FUT8: variants seen among roughly 807,000 people sequenced by gnomAD.
FUT8 encodes alpha-(1,6)-fucosyltransferase.
In FUT8, 29 loss-of-function variants were observed where a neutral mutation model predicts 71.3. That is an observed-to-expected ratio of 0.41 (90% CI 0.30 to 0.55). The LOEUF (loss-of-function observed/expected upper bound fraction) is 0.55, where lower values mean the gene tolerates loss of function less well. Ranked by LOEUF, FUT8 falls within the 20% of genes least tolerant of loss-of-function variation. FUT8 has a pLI of 0.34. For missense variants in FUT8, 544 were observed against 702.1 expected, an observed-to-expected ratio of 0.77 and a Z score of 2.55; for synonymous variants, 254 against 239.3, an observed-to-expected ratio of 1.06 and a Z score of -0.57.
At chr14:65,731,057 A>G (rs145474513) in intron 9 of FUT8, among the ~76,000 whole-genome samples, 1 of 152,382 alleles carries the variant, frequency 6.6e-6, no homozygotes, top group African/African-American at 2.4e-5. Flanking sequence ...CTGTGAAACA[A>G]AGAATCAGCA....
At chr14:65,689,604 T>A (rs1296257828) in intron 7 of FUT8, among the ~76,000 whole-genome samples, 2 of 152,172 alleles carry the variant, frequency 1.3e-5, no homozygotes, top group East Asian at 1.9e-4. Flanking sequence ...AGTGGTGCAA[T>A]CTCAGCTCAC....
chr14:65,478,305 G>A (rs2066278533), intron 2 of FUT8, among the ~76,000 whole-genome samples: 1 of 152,050 alleles, frequency 6.6e-6, no homozygotes, highest in African/African-American at 2.4e-5. Flanking sequence ...ATACAGGTCA[G>A]GCATCCCAAA....
chr14:65,390,806 C>T, the FUT8 span, among the ~76,000 whole-genome samples: 1 of 151,340 alleles, frequency 6.6e-6, no homozygotes, highest in East Asian at 2.0e-4. Flanking sequence ...TCACAGCAAC[C>T]TCCGCCTTCT....
At chr14:65,648,235 C>G (rs1891205424) in intron 6 of FUT8, among the ~76,000 whole-genome samples, 1 of 152,226 alleles carries the variant, frequency 6.6e-6, no homozygotes, top group Admixed American at 6.5e-5. Flanking sequence ...CTTTACAGAA[C>G]AACTTTACTG....
chr14:65,606,218 G>C (rs1044570155), intron 3 of FUT8, among the ~76,000 whole-genome samples: 1 of 150,580 alleles, frequency 6.6e-6, no homozygotes, highest in Admixed American at 6.6e-5. Flanking sequence ...GACTACAGGC[G>C]CCTGCCACCA....
chr14:65,391,999 C>G, the FUT8 span, among the ~76,000 whole-genome samples: 1 of 152,178 alleles, frequency 6.6e-6, no homozygotes, highest in South Asian at 2.1e-4. Context: ...ATGGTACGAT[C>G]TCAGCTCACT....
At chr14:65,509,612 T>C (rs1262368681) in intron 2 of FUT8, among the ~76,000 whole-genome samples, 1 of 152,130 alleles carries the variant, frequency 6.6e-6, no homozygotes, top group African/African-American at 2.4e-5. Context: ...TATAGTATAG[T>C]TTCTGTTACA....
At chr14:65,470,123 G>A (rs537928818) in intron 2 of FUT8, among the ~76,000 whole-genome samples, 1 of 152,356 alleles carries the variant, frequency 6.6e-6, no homozygotes, top group Non-Finnish European at 1.5e-5. Context: ...GGGCCTAGGC[G>A]GCAGGGCCTG....
At chr14:65,728,650 AAACTATACTTTTAC>A (rs1566920367) in intron 9 of FUT8, among the ~76,000 whole-genome samples, 1 of 151,382 alleles carries the variant, frequency 6.6e-6, no homozygotes, top group Non-Finnish European at 1.5e-5. Flanking sequence ...ATAGATTATA[AAACTATACTTTTAC>A]TGTACCTTTT....
At chr14:65,383,471 C>T in the FUT8 span, among the ~76,000 whole-genome samples, 4 of 152,058 alleles carry the variant, frequency 2.6e-5, no homozygotes, top group African/African-American at 4.8e-5. Context: ...GACGGGGTTT[C>T]ACCATGTTGG....
intron 5 of FUT8, among the ~76,000 whole-genome samples, chr14:65,618,031 A>G (rs1279569173): frequency 3.3e-5 from 3 of 90,396 alleles, no homozygotes; most frequent in South Asian, 3.6e-4. Flanking sequence ...ATATATATAT[A>G]TATATATATA....
intron 10 of FUT8, among the ~76,000 whole-genome samples, chr14:65,733,984 C>A (rs1026002508): frequency 2.6e-5 from 4 of 152,116 alleles, no homozygotes; most frequent in African/African-American, 4.8e-5. Flanking sequence ...AGGGTCCAGC[C>A]AGCTTTGTAT....
chr14:65,714,025 C>G (rs1894932916), intron 7 of FUT8, among the ~76,000 whole-genome samples: 2 of 152,264 alleles, frequency 1.3e-5, no homozygotes, highest in Non-Finnish European at 2.9e-5. Flanking sequence ...AGTCTTTAAT[C>G]CATTTTGATT....
rs144222578 is a variant in FUT8 at position 65,524,603 on chromosome 14, A to G, written c.-227-36734A>G. On this transcript the variant is annotated intron_variant, in intron 2 of 10. Coordinates refer to ENST00000673929, the MANE Select transcript of FUT8 (RefSeq NM_001371533.1). ...CCGATTGCCCTGGCCAGAACTTCCA[A>G]CACTATGTTAAATAGGAGTGGTGAG... 9.8e-3 allele frequency among the ~76,000 whole-genome samples: 1,497 copies of G among 152,272 alleles called. 19 individuals are homozygous for G. Among genetic ancestry groups the G allele is most frequent in the African/African-American group, 0.031 (1,277 of 41,540 alleles).
At chr14:65,629,711 A>C in intron 6 of FUT8, 105 bp downstream of exon 6, 1 of 731,758 alleles carries the variant, frequency 1.4e-6, no homozygotes, top group Non-Finnish European at 2.3e-6. Context: ...GCCCTTGAAA[A>C]TCAGTACTCA....
intron 3 of FUT8, among the ~76,000 whole-genome samples, chr14:65,582,824 A>G (rs1162840404): frequency 6.6e-6 from 1 of 152,226 alleles, no homozygotes; most frequent in Non-Finnish European, 1.5e-5. Context: ...GAATGAATGA[A>G]TGAATGAGCC....
At chr14:65,683,015 T>A (rs1028754885) in intron 7 of FUT8, among the ~76,000 whole-genome samples, 7 of 144,664 alleles carry the variant, frequency 4.8e-5, no homozygotes, top group African/African-American at 1.8e-4. Context: ...TAATTGCAAT[T>A]TTTTTTTTTT....
intron 3 of FUT8, among the ~76,000 whole-genome samples, chr14:65,577,741 A>G (rs1423474344): frequency 3.9e-5 from 6 of 152,152 alleles, no homozygotes; most frequent in African/African-American, 1.2e-4. Flanking sequence ...AGGATCTACA[A>G]TTGTAGGAAA....
At chr14:65,383,343 T>A in the FUT8 span, among the ~76,000 whole-genome samples, 1 of 147,516 alleles carries the variant, frequency 6.8e-6, no homozygotes. Flanking sequence ...GGCATGATCT[T>A]GGCTCACCGC....
Sources: allele counts gnomAD v4.1 joint callset (sites outside exome capture counted in the v4.1 genomes callset), GRCh38; gene constraint gnomAD v4.1.1; transcripts MANE v1.5; gene names NCBI Gene and HGNC (gene_info 2026-07-23, HGNC 2026-07-21).